CTNNA2: variants seen among roughly 807,000 people sequenced by gnomAD.
The protein encoded by CTNNA2 is catenin alpha 2.
In CTNNA2, 42 loss-of-function variants were observed where a neutral mutation model predicts 101.0. The observed-to-expected ratio is 0.42, with a 90% CI of 0.32 to 0.54. The LOEUF (loss-of-function observed/expected upper bound fraction) is 0.54. Ranked by LOEUF, CTNNA2 falls within the 20% of genes least tolerant of loss-of-function variation. The pLI is 0.14. For missense variants in CTNNA2, 871 were observed against 1,223.1 expected (o/e 0.71, Z 4.29); for synonymous variants, 450 against 456.4 (o/e 0.99, Z 0.18).
intron 4 of CTNNA2, among the ~76,000 whole-genome samples, chr2:79,375,242 T>C (rs1350103941): frequency 6.6e-6 from 1 of 152,216 alleles, no homozygotes; most frequent in African/African-American, 2.4e-5. Context: ...ATTCTGATTT[T>C]TACTTGCATT....
intron 7 of CTNNA2, among the ~76,000 whole-genome samples, chr2:80,059,169 G>A (rs1343113282): frequency 2.6e-5 from 4 of 152,082 alleles, no homozygotes; most frequent in Admixed American, 1.3e-4. Flanking sequence ...ATATACACCC[G>A]AGGGCTCATG....
At chr2:80,289,140 G>A (rs576428262) in intron 7 of CTNNA2, 2 of 152,152 alleles carry the variant, frequency 1.3e-5, no homozygotes, top group Non-Finnish European at 2.9e-5. Context: ...GATATATGCT[G>A]CGGATGAGAG....
At chr2:79,853,850 A>G (rs781680699) in intron 3 of CTNNA2, among the ~76,000 whole-genome samples, 1 of 151,566 alleles carries the variant, frequency 6.6e-6, no homozygotes, top group Non-Finnish European at 1.5e-5. Context: ...GCATTTTTAG[A>G]AGAGATGGGA....
chr2:79,755,925 A>C (rs1672367383), intron 3 of CTNNA2, among the ~76,000 whole-genome samples: 2 of 152,328 alleles, frequency 1.3e-5, no homozygotes, highest in Non-Finnish European at 2.9e-5. Flanking sequence ...TATGATGAAA[A>C]ATGCATACAC....
At chr2:79,411,790 C>A (rs1242362109) in intron 4 of CTNNA2, among the ~76,000 whole-genome samples, 2 of 152,138 alleles carry the variant, frequency 1.3e-5, no homozygotes, top group African/African-American at 4.8e-5. Flanking sequence ...GCTGCAAAAT[C>A]ATGCCAAAAT....
chr2:79,548,639 C>A (rs973255120), intron 1 of CTNNA2, among the ~76,000 whole-genome samples: 3 of 152,184 alleles, frequency 2.0e-5, no homozygotes, highest in Non-Finnish European at 2.9e-5. Flanking sequence ...TGTATATGTT[C>A]TGCTGAGAAG....
At chr2:79,233,937 T>C (rs529326111) in intron 2 of CTNNA2, among the ~76,000 whole-genome samples, 73 of 151,062 alleles carry the variant, frequency 4.8e-4, no homozygotes, top group Non-Finnish European at 8.4e-4. Context: ...GTGGTGTCAT[T>C]ACATGTGAGA....
chr2:80,465,232 A>AG (rs1234668673), intron 9 of CTNNA2, among the ~76,000 whole-genome samples: 2 of 152,298 alleles, frequency 1.3e-5, no homozygotes, highest in East Asian at 3.9e-4. Flanking sequence ...AACACATGAT[A>AG]GGCTCCATGA....
chr2:80,159,164 T>A (rs1169561521), intron 7 of CTNNA2, among the ~76,000 whole-genome samples: 2 of 152,210 alleles, frequency 1.3e-5, no homozygotes, highest in African/African-American at 4.8e-5. Flanking sequence ...AGAAGCACAA[T>A]TTGCATGTTT....
chr2:80,074,195 A>C (rs1435652691), intron 7 of CTNNA2, among the ~76,000 whole-genome samples: 2 of 152,168 alleles, frequency 1.3e-5, no homozygotes, highest in Non-Finnish European at 2.9e-5. Context: ...AAGCTTATAG[A>C]TTGGTTTTAG....
chr2:79,764,445 G>A (rs1673002256), intron 3 of CTNNA2, among the ~76,000 whole-genome samples: 2 of 152,154 alleles, frequency 1.3e-5, no homozygotes, highest in Admixed American at 1.3e-4. Context: ...TACAACATGT[G>A]CATATACATG....
In CTNNA2 at chr2:79,218,352, T is replaced by TGTGTGTGTGTG. The variant is rs1491322056; in HGVS notation, c.-406+20276_-406+20277insGTGTGTGTGTG. On this transcript the variant is annotated intron_variant, in intron 2 of 21. Coordinates refer to the CTNNA2 transcript ENST00000466387. ...GTGTGTGTGTGTGTGTGTGTGTGTATTTTTTTTTTTTTTAGAGACAGGATC... is the reference window on the plus strand; with the variant it reads ...GTGTGTGTGTGTGTGTGTGTGTGTATGTGTGTGTGTGTTTTTTTTTTTTTAGAGACAGGATC... Among the ~76,000 whole-genome samples the TGTGTGTGTGTG allele has an allele frequency of 1.5e-4, 12 of 82,610 alleles. 1 individual carries two copies. Among genetic ancestry groups the TGTGTGTGTGTG allele is most frequent in the South Asian group, 4.3e-4 (1 of 2,324 alleles). The allele number at this position is 82,610 out of a possible 152,430, so 54.2% of individuals were successfully genotyped here. A position where few individuals can be genotyped will look rare whatever the true frequency, so the allele number is the denominator to read the frequency against.
intron 1 of CTNNA2, among the ~76,000 whole-genome samples, chr2:79,619,510 A>G (rs1249722359): frequency 6.6e-6 from 1 of 152,184 alleles, no homozygotes; most frequent in South Asian, 2.1e-4. Context: ...TTACTTTGCT[A>G]TTTTTGAAAC....
chr2:80,464,815 C>A (rs1429562161), intron 9 of CTNNA2, among the ~76,000 whole-genome samples: 1 of 152,024 alleles, frequency 6.6e-6, no homozygotes, highest in African/African-American at 2.4e-5. Flanking sequence ...AAATCTCATA[C>A]CACAGGTGAA....
At chr2:80,081,991 G>A (rs563693564) in intron 7 of CTNNA2, among the ~76,000 whole-genome samples, 1 of 152,110 alleles carries the variant, frequency 6.6e-6, no homozygotes, top group Non-Finnish European at 1.5e-5. Context: ...CTTAAGTCTG[G>A]TTTTCTTTGA....
intron 2 of CTNNA2, among the ~76,000 whole-genome samples, chr2:79,737,218 G>A (rs12993559): frequency 0.22 from 32,932 of 151,714 alleles, 3,655 homozygotes; most frequent in Non-Finnish European, 0.25. Context: ...GCTTGGTGGC[G>A]GGTGCCTGTA....
chr2:79,886,488 A>C (rs1683870549), intron 6 of CTNNA2, among the ~76,000 whole-genome samples: 1 of 151,898 alleles, frequency 6.6e-6, no homozygotes. Context: ...GCGGTGGCTC[A>C]CGCCTGTAAT....
At chr2:79,450,183 A>G (rs1678875185) in intron 4 of CTNNA2, among the ~76,000 whole-genome samples, 1 of 151,782 alleles carries the variant, frequency 6.6e-6, no homozygotes, top group Admixed American at 6.6e-5. Context: ...TTTTACTATC[A>G]TGAGTCAAAA....
At chr2:80,016,147 T>G (rs1174820323) in intron 7 of CTNNA2, among the ~76,000 whole-genome samples, 1 of 152,256 alleles carries the variant, frequency 6.6e-6, no homozygotes, top group East Asian at 1.9e-4. Context: ...CAAGAAAATT[T>G]TCTGCAGTGT....
Sources: gnomAD v4.1 joint callset for allele counts (sites outside exome capture counted in the v4.1 genomes callset) on GRCh38, gnomAD v4.1.1 for gene constraint, MANE v1.5 for transcripts, NCBI Gene and HGNC (gene_info 2026-07-23, HGNC 2026-07-21) for gene names.